The following FARS2 variants were observed in gnomAD, a reference collection of about 807,000 sequenced individuals.
The protein encoded by FARS2 is phenylalanine--tRNA ligase, mitochondrial.
FARS2 carries 40 observed loss-of-function variants against 46.4 expected under a neutral mutation model. That is an observed-to-expected ratio of 0.86 (90% CI 0.67 to 1.12). The LOEUF is 1.12. Ranked by LOEUF, FARS2 falls within the 50% of genes most tolerant of loss-of-function variation. FARS2 has a pLI of 0.00. For missense variants in FARS2, 513 were observed against 567.9 expected, an observed-to-expected ratio of 0.90 and a Z score of 0.98; for synonymous variants, 234 against 214.9, an observed-to-expected ratio of 1.09 and a Z score of -0.78.
chr6:5,341,208 TATATATATATATATATATA>T (rs1771560319), intron 1 of FARS2, among the ~76,000 whole-genome samples: 13 of 5,344 alleles, frequency 2.4e-3, no homozygotes, highest in South Asian at 0.022. Flanking sequence ...TATATATATA[TATATATATATATATATATA>T]TATATATATT....
intron 1 of FARS2, among the ~76,000 whole-genome samples, chr6:5,287,994 C>G (rs1474141547): frequency 6.6e-6 from 1 of 152,322 alleles, no homozygotes; most frequent in Non-Finnish European, 1.5e-5. Context: ...AATATTTTCT[C>G]TTTTCCTCTC....
At chr6:5,385,614 C>T (rs1013025397) in intron 2 of FARS2, among the ~76,000 whole-genome samples, 4 of 151,858 alleles carry the variant, frequency 2.6e-5, no homozygotes, top group Admixed American at 6.6e-5. Flanking sequence ...TTAGTAGAGA[C>T]GGGGTTTCAC....
chr6:5,304,050 A>G (rs74840645), intron 1 of FARS2, among the ~76,000 whole-genome samples: 1,870 of 152,224 alleles, frequency 0.012, 47 homozygotes, highest in African/African-American at 0.042. Context: ...GTGGCTCTGT[A>G]TCCTTGAGAT....
At chr6:5,292,513 G>A (rs1241718517) in intron 1 of FARS2, among the ~76,000 whole-genome samples, 1 of 152,176 alleles carries the variant, frequency 6.6e-6, no homozygotes, top group African/African-American at 2.4e-5. Flanking sequence ...GACTGGATAT[G>A]AGGAATTGAA....
intron 5 of FARS2, among the ~76,000 whole-genome samples, chr6:5,576,535 T>C (rs1772974349): frequency 6.7e-6 from 1 of 149,514 alleles, no homozygotes; most frequent in South Asian, 2.1e-4. Context: ...ATTAATAAAC[T>C]CCCCTTCATT....
intron 3 of FARS2, among the ~76,000 whole-genome samples, chr6:5,412,426 C>T (rs1381733133): frequency 6.6e-6 from 1 of 152,250 alleles, no homozygotes; most frequent in Non-Finnish European, 1.5e-5. Flanking sequence ...CCACTGTCTT[C>T]ATCCACACGT....
chr6:5,738,363 A>G (rs1761084986), intron 6 of FARS2, among the ~76,000 whole-genome samples: 2 of 152,374 alleles, frequency 1.3e-5, no homozygotes, highest in South Asian at 2.1e-4. Flanking sequence ...GCTGTACTGC[A>G]AACAGTCAGA....
At position 5,614,593 on chromosome 6, in the gene FARS2, A is replaced by G. The variant is rs191422533; in HGVS notation, c.1217+1273A>G. 3.1e-3 allele frequency among the ~76,000 whole-genome samples: 476 copies of G among 152,148 alleles called. 5 individuals carry two copies. The highest frequency in any genetic ancestry group is 0.011 in the African/African-American group (458 of 41,534). ...CCCGGCTAATTTTTTTGTATTTTTTAGTAGAGACAGGGTTTCACCGTGGTC... is the reference window on the plus strand; with the variant it reads ...CCCGGCTAATTTTTTTGTATTTTTTGGTAGAGACAGGGTTTCACCGTGGTC... On this transcript the variant is annotated intron_variant, in intron 6 of 6. Transcript: ENST00000274680.
At chr6:5,525,740 TTCTC>T (rs757120174) in intron 4 of FARS2, among the ~76,000 whole-genome samples, 1 of 152,264 alleles carries the variant, frequency 6.6e-6, no homozygotes, top group Admixed American at 6.5e-5. Context: ...ATGTTTAACT[TTCTC>T]TCAGAAATTT....
chr6:5,302,055 C>T (rs1768356339), intron 1 of FARS2, among the ~76,000 whole-genome samples: 1 of 152,150 alleles, frequency 6.6e-6, no homozygotes, highest in Non-Finnish European at 1.5e-5. Flanking sequence ...CAGTCATGCC[C>T]ACCTACCCTC....
intron 4 of FARS2, among the ~76,000 whole-genome samples, chr6:5,485,466 C>G (rs955151771): frequency 1.4e-4 from 20 of 142,418 alleles, no homozygotes; most frequent in African/African-American, 5.0e-4. Flanking sequence ...TTAACGTTGT[C>G]TTCATACTGT....
At position 5,329,136 on chromosome 6, in the gene FARS2, A is replaced by C. The variant is rs1457653799; in HGVS notation, c.-21-39414A>C. 2.0e-5 allele frequency among the ~76,000 whole-genome samples: 3 copies of C among 152,168 alleles called. No individual in the cohort carries two copies. The East Asian group carries it at 5.8e-4, about 29-fold the overall frequency. On this transcript the variant is annotated intron_variant, in intron 1 of 6. Coordinates refer to ENST00000274680, the MANE Select transcript of FARS2 (RefSeq NM_006567.5). ...CTTAGTGTTGTTTCTATATTAAAAA[A>C]AAAAAAGAAACTGTGGCTACCAACC...
At chr6:5,517,322 C>T (rs1272172530) in intron 4 of FARS2, among the ~76,000 whole-genome samples, 2 of 152,000 alleles carry the variant, frequency 1.3e-5, no homozygotes, top group Non-Finnish European at 2.9e-5. Context: ...TATAAATATA[C>T]ACTGAGGTCA....
intron 2 of FARS2, among the ~76,000 whole-genome samples, chr6:5,379,969 C>T (rs1759649784): frequency 6.6e-6 from 1 of 152,218 alleles, no homozygotes; most frequent in South Asian, 2.1e-4. Flanking sequence ...GTGACAGAGT[C>T]AGCTTGCTCC....
rs73719618 is a variant in FARS2, at chr6:5,485,562, C to T, written c.904+54390C>T. ...GGGGCTAAGAGTATAGCTCTCAGGC[C>T]GGGGGCCGCAGACTTTCTCTGTAAA... On this transcript the variant is annotated intron_variant, in intron 4 of 6. Transcript: ENST00000274680. Among the ~76,000 whole-genome samples the T allele has an allele frequency of 6.1e-5, 9 of 148,658 alleles. No individual in the cohort carries two copies. The East Asian group carries it at 1.6e-3, about 26-fold the overall frequency.
intron 1 of FARS2, among the ~76,000 whole-genome samples, chr6:5,348,969 G>A (rs1473364249): frequency 6.6e-6 from 1 of 152,122 alleles, no homozygotes; most frequent in African/African-American, 2.4e-5. Flanking sequence ...AGAAGTTCTA[G>A]CCACTGCAAT....
chr6:5,422,924 TG>T (rs1762637124), intron 3 of FARS2, among the ~76,000 whole-genome samples: 1 of 152,224 alleles, frequency 6.6e-6, no homozygotes, highest in Non-Finnish European at 1.5e-5. Flanking sequence ...CACTTCCCCA[TG>T]CTGAATTGTC....
chr6:5,474,795 G>T (rs1766026087), intron 4 of FARS2, among the ~76,000 whole-genome samples: 1 of 151,826 alleles, frequency 6.6e-6, no homozygotes, highest in South Asian at 2.1e-4. Flanking sequence ...GGGTAGCTGG[G>T]ATTACAGGCA....
chr6:5,538,148 C>CA (rs34273142), intron 4 of FARS2, among the ~76,000 whole-genome samples: 17,555 of 107,950 alleles, frequency 0.16, 1,146 homozygotes, highest in South Asian at 0.25. Flanking sequence ...TGGAATGAGG[C>CA]AAAAAAAAAA....
Sources: gnomAD v4.1 joint callset for allele counts (sites outside exome capture counted in the v4.1 genomes callset) on GRCh38, gnomAD v4.1.1 for gene constraint, MANE v1.5 for transcripts, NCBI Gene and HGNC (gene_info 2026-07-23, HGNC 2026-07-21) for gene names.